Variants in GALNT2 observed in about 807,000 individuals in gnomAD.
The protein encoded by GALNT2 is polypeptide N-acetylgalactosaminyltransferase 2.
In GALNT2, 31 loss-of-function variants were observed where a neutral mutation model predicts 81.4. The ratio of observed to expected loss-of-function variants is 0.38; its 90% CI spans 0.29 to 0.51. The LOEUF (loss-of-function observed/expected upper bound fraction) is 0.51. Ranked by LOEUF, GALNT2 falls within the 20% of genes least tolerant of loss-of-function variation. The pLI is 0.87. For synonymous variants in GALNT2, 303 were observed against 287.4 expected (o/e 1.05, Z -0.55); for missense variants, 629 against 765.7 (o/e 0.82, Z 2.11).
chr1:230,130,259 G>A (rs77788414), intron 1 of GALNT2, among the ~76,000 whole-genome samples: 6,704 of 152,230 alleles, frequency 0.044, 472 homozygotes, highest in East Asian at 0.32. Context: ...AAGATTTTGA[G>A]GGATTTCTTC....
chr1:230,072,880 T>TC (rs1659419242), intron 1 of GALNT2, among the ~76,000 whole-genome samples: 2 of 152,222 alleles, frequency 1.3e-5, no homozygotes, highest in African/African-American at 4.8e-5. Context: ...ATGCTGATTG[T>TC]CACCCCTGCA....
At chr1:230,061,407 G>A (rs749623260) in intron 1 of GALNT2, among the ~76,000 whole-genome samples, 1 of 151,818 alleles carries the variant, frequency 6.6e-6, no homozygotes, top group African/African-American at 2.4e-5. Context: ...TAATACAATT[G>A]CTATACCCAT....
At chr1:230,142,551 CT>C (rs1257075726) in intron 1 of GALNT2, among the ~76,000 whole-genome samples, 2 of 152,194 alleles carry the variant, frequency 1.3e-5, no homozygotes, top group Non-Finnish European at 2.9e-5. Context: ...CCTCCTAGGG[CT>C]CTTCTGAGGG....
intron 1 of GALNT2, among the ~76,000 whole-genome samples, chr1:230,079,650 G>C (rs1195511743): frequency 6.6e-6 from 1 of 152,360 alleles, no homozygotes; most frequent in Non-Finnish European, 1.5e-5. Flanking sequence ...ACTGGGGCTG[G>C]TGATCTACTA....
intron 1 of GALNT2, among the ~76,000 whole-genome samples, chr1:230,138,501 G>A (rs1277179834): frequency 6.6e-6 from 1 of 150,440 alleles, no homozygotes; most frequent in African/African-American, 2.5e-5. Flanking sequence ...CCCCAGCCTG[G>A]GCGATGCAGC....
intron 2 of GALNT2, among the ~76,000 whole-genome samples, chr1:230,196,526 T>C (rs940634255): frequency 6.6e-5 from 10 of 152,310 alleles, no homozygotes; most frequent in African/African-American, 2.4e-4. Flanking sequence ...AGGTCACCCA[T>C]ACATTCCTCA....
chr1:230,274,670 G>T (rs539391552), intron 15 of GALNT2, 106 bp downstream of exon 15: 3 of 1,322,642 alleles, frequency 2.3e-6, no homozygotes, highest in South Asian at 1.6e-5. Flanking sequence ...CCATCTCTGC[G>T]TGTACTTATG....
intron 1 of GALNT2, among the ~76,000 whole-genome samples, chr1:230,104,062 G>T (rs1472816994): frequency 6.6e-6 from 1 of 152,202 alleles, no homozygotes; most frequent in Non-Finnish European, 1.5e-5. Context: ...AGGCAGTCAT[G>T]TGCTTCTGTT....
chr1:230,257,296 C>T lies in GALNT2; in HGVS notation c.1136+1952C>T, dbSNP rs1665743089. On this transcript the variant is annotated intron_variant, in intron 11 of 15. Transcript: ENST00000366672. This position sits in a 1 kb window ranked among gnomAD's most constrained non-coding sequence, Gnocchi z 4.6. Reference sequence around the variant, plus strand: ...ATGGTGAAACAATGGTACGAGTGCCCCCTCCACTCTTGGAGCCAGAAGCAA... The same window carrying T: ...ATGGTGAAACAATGGTACGAGTGCCTCCTCCACTCTTGGAGCCAGAAGCAA... 6.6e-6 allele frequency among the ~76,000 whole-genome samples: 1 copy of T among 152,174 alleles called. No homozygotes were observed. Among genetic ancestry groups the T allele is most frequent in the African/African-American group, 2.4e-5 (1 of 41,438 alleles).
intron 14 of GALNT2, among the ~76,000 whole-genome samples, chr1:230,272,317 C>G (rs6688462): frequency 0.82 from 123,974 of 151,418 alleles, 51,535 homozygotes; most frequent in East Asian, 0.98. Context: ...GCCGGCAGGG[C>G]TGGGTGGGTC....
At chr1:230,230,000 AT>A (rs1664822797) in intron 3 of GALNT2, among the ~76,000 whole-genome samples, 1 of 152,140 alleles carries the variant, frequency 6.6e-6, no homozygotes, top group African/African-American at 2.4e-5. Flanking sequence ...TTTATTTAAA[AT>A]TTTTTTAATC....
intron 1 of GALNT2, among the ~76,000 whole-genome samples, chr1:230,110,554 A>G (rs930636960): frequency 5.3e-5 from 8 of 152,172 alleles, no homozygotes; most frequent in Non-Finnish European, 1.2e-4. Flanking sequence ...TGTGGGGATT[A>G]AGTGAGTTAA....
chr1:230,169,995 G>C (rs186701691), intron 1 of GALNT2, among the ~76,000 whole-genome samples: 1 of 152,322 alleles, frequency 6.6e-6, no homozygotes, highest in East Asian at 1.9e-4. Flanking sequence ...AAACCCCCAA[G>C]GCTGGGTCCC....
intron 2 of GALNT2, among the ~76,000 whole-genome samples, chr1:230,182,189 G>T (rs933854181): frequency 1.7e-4 from 19 of 114,692 alleles, no homozygotes; most frequent in African/African-American, 8.2e-4. Flanking sequence ...ACCAGTTTTT[G>T]TTTTTGTTTT....
At chr1:230,137,796 A>G (rs905224248) in intron 1 of GALNT2, among the ~76,000 whole-genome samples, 31 of 152,320 alleles carry the variant, frequency 2.0e-4, no homozygotes, top group African/African-American at 7.0e-4. Context: ...CTCAGGATTG[A>G]TGTTGTATAG....
At position 230,222,738 on chromosome 1, in the gene GALNT2, G is replaced by T. The variant is rs536600053; in HGVS notation, c.375-13276G>T. Reference sequence around the variant, plus strand: ...ATGAGATGTAGCTACCTTTAATTGAGATTTTCGTTCCAGGTGCTATGCTAA... The same window carrying T: ...ATGAGATGTAGCTACCTTTAATTGATATTTTCGTTCCAGGTGCTATGCTAA... On this transcript the variant is annotated intron_variant, in intron 3 of 15. Transcript: ENST00000366672. 8.2e-4 allele frequency among the ~76,000 whole-genome samples: 125 copies of T among 152,240 alleles called. 2 individuals are homozygous for T. Among genetic ancestry groups the T allele is most frequent in the Middle Eastern group, 6.8e-3 (2 of 294 alleles).
chr1:230,136,014 T>C (rs1661526888), intron 1 of GALNT2, among the ~76,000 whole-genome samples: 1 of 152,114 alleles, frequency 6.6e-6, no homozygotes, highest in South Asian at 2.1e-4. Context: ...TTCTGATCCT[T>C]AGTTTTCTCT....
chr1:230,153,509 T>G (rs539282812), intron 1 of GALNT2, among the ~76,000 whole-genome samples: 4 of 152,200 alleles, frequency 2.6e-5, no homozygotes, highest in Admixed American at 2.0e-4. Context: ...CCCATAATGC[T>G]TTCTGTGTAG....
At chr1:230,140,924 C>T (rs967506099) in intron 1 of GALNT2, among the ~76,000 whole-genome samples, 28 of 152,326 alleles carry the variant, frequency 1.8e-4, no homozygotes, top group South Asian at 6.2e-4. Context: ...AGGGAAGATA[C>T]GTATCCTTTC....
Sources: allele counts gnomAD v4.1 joint callset (sites outside exome capture counted in the v4.1 genomes callset), GRCh38; gene constraint gnomAD v4.1.1; non-coding constraint Gnocchi (gnomAD v3.1); transcripts MANE v1.5; gene names NCBI Gene and HGNC (gene_info 2026-07-23, HGNC 2026-07-21).